LRP1B: variants seen among roughly 807,000 people sequenced by gnomAD.
LRP1B encodes LDL receptor related protein 1B, also known as low-density lipoprotein receptor-related protein 1B.
A neutral mutation model predicts 556.6 loss-of-function variants in LRP1B; 217 were observed. The ratio of observed to expected loss-of-function variants is 0.39; its 90% CI spans 0.35 to 0.44. The LOEUF (loss-of-function observed/expected upper bound fraction) is 0.44. Ranked by LOEUF, LRP1B falls within the 20% of genes least tolerant of loss-of-function variation. LRP1B has a pLI of 1.00. For missense variants in LRP1B, 5,053 were observed against 5,620.8 expected (o/e 0.90, Z 3.23); for synonymous variants, 2,047 against 1,865.8 (o/e 1.10, Z -2.50).
intron 7 of LRP1B, among the ~76,000 whole-genome samples, chr2:141,085,724 C>T (rs1454223116): frequency 1.3e-5 from 2 of 152,174 alleles, no homozygotes; most frequent in African/African-American, 2.4e-5. Context: ...ATTATGACAA[C>T]CAATAATCTT....
intron 2 of LRP1B, among the ~76,000 whole-genome samples, chr2:141,693,213 T>G (rs1168589003): frequency 3.9e-5 from 6 of 152,046 alleles, no homozygotes; most frequent in Admixed American, 3.9e-4. Flanking sequence ...CAATTAGCAT[T>G]TTTTTCTTGC....
At chr2:140,575,644 C>T (rs753749806) in intron 43 of LRP1B, among the ~76,000 whole-genome samples, 7 of 152,092 alleles carry the variant, frequency 4.6e-5, no homozygotes, top group Non-Finnish European at 8.8e-5. Flanking sequence ...AAGAATCAGG[C>T]TGGGCGCTGT....
intron 41 of LRP1B, among the ~76,000 whole-genome samples, chr2:140,633,256 C>A (rs1046719041): frequency 1.3e-5 from 2 of 149,358 alleles, no homozygotes; most frequent in Non-Finnish European, 3.0e-5. Flanking sequence ...AAGAGTAGCT[C>A]AAAAATATTT....
intron 3 of LRP1B, among the ~76,000 whole-genome samples, chr2:141,291,953 A>G (rs1457698745): frequency 6.6e-6 from 1 of 151,354 alleles, no homozygotes; most frequent in Non-Finnish European, 1.5e-5. Flanking sequence ...CAAATATTTA[A>G]CTGTATATCC....
At chr2:141,318,669 C>A (rs1017552622) in intron 3 of LRP1B, among the ~76,000 whole-genome samples, 4 of 152,040 alleles carry the variant, frequency 2.6e-5, no homozygotes, top group African/African-American at 7.2e-5. Flanking sequence ...ATATGAATGT[C>A]ACTTCAAAGG....
At chr2:141,886,101 A>G (rs1699101636) in intron 1 of LRP1B, among the ~76,000 whole-genome samples, 1 of 152,202 alleles carries the variant, frequency 6.6e-6, no homozygotes, top group African/African-American at 2.4e-5. Context: ...TGAGGACATC[A>G]GGCCAGATAC....
chr2:141,556,037 TGTATTTATC>T (rs781630438), intron 2 of LRP1B, among the ~76,000 whole-genome samples: 3 of 151,882 alleles, frequency 2.0e-5, no homozygotes, highest in Non-Finnish European at 4.4e-5. Context: ...GCCTAATCCA[TGTATTTATC>T]TAAACTAATG....
chr2:140,515,456 C>G (rs189165906), intron 50 of LRP1B, among the ~76,000 whole-genome samples: 27 of 152,032 alleles, frequency 1.8e-4, no homozygotes, highest in Admixed American at 5.9e-4. Context: ...TGCTCTCCTC[C>G]ATTCCCAGCC....
At chr2:140,262,354 T>G (rs1025461949) in intron 86 of LRP1B, among the ~76,000 whole-genome samples, 3 of 152,202 alleles carry the variant, frequency 2.0e-5, no homozygotes, top group Non-Finnish European at 4.4e-5. Context: ...ACTAATTTTA[T>G]CTGTCCCCAC....
intron 18 of LRP1B, among the ~76,000 whole-genome samples, chr2:140,963,904 G>A (rs551432748): frequency 6.6e-6 from 1 of 152,200 alleles, no homozygotes; most frequent in Non-Finnish European, 1.5e-5. Context: ...GCGGCGACGA[G>A]AGAGTGTAGA....
intron 3 of LRP1B, among the ~76,000 whole-genome samples, chr2:141,276,354 G>T (rs1333802343): frequency 1.3e-5 from 2 of 151,738 alleles, no homozygotes; most frequent in Non-Finnish European, 2.9e-5. Flanking sequence ...TAGGTAAGTT[G>T]TGTGTCACTG....
chr2:141,879,190 T>C (rs983084254), intron 1 of LRP1B, among the ~76,000 whole-genome samples: 6 of 151,838 alleles, frequency 4.0e-5, no homozygotes, highest in Admixed American at 3.9e-4. Context: ...TAAGCAGAGA[T>C]GTAGGTATCA....
chr2:140,828,124 A>C (rs1015846769), intron 31 of LRP1B, among the ~76,000 whole-genome samples: 1 of 152,136 alleles, frequency 6.6e-6, no homozygotes, highest in East Asian at 1.9e-4. Flanking sequence ...CTCTAAAGGG[A>C]ATTCTTCAAT....
chr2:142,107,794 A>ATTTTTTTTTTATT (rs1706806177), intron 1 of LRP1B, among the ~76,000 whole-genome samples: 1 of 110,590 alleles, frequency 9.0e-6, no homozygotes, highest in Non-Finnish European at 1.8e-5. Context: ...CGCCTAGCTA[A>ATTTTTTTTTTATT]TTTTTTTTTT....
intron 43 of LRP1B, among the ~76,000 whole-genome samples, chr2:140,567,555 C>A (rs1331739676): frequency 6.6e-6 from 1 of 152,184 alleles, no homozygotes; most frequent in Non-Finnish European, 1.5e-5. Context: ...AGTCATAGAT[C>A]CTGGTTGTCT....
At chr2:141,290,636 T>C (rs1325489792) in intron 3 of LRP1B, among the ~76,000 whole-genome samples, 1 of 152,104 alleles carries the variant, frequency 6.6e-6, no homozygotes, top group Non-Finnish European at 1.5e-5. Flanking sequence ...ATTTTAAATA[T>C]TTAGACCTTT....
intron 1 of LRP1B, among the ~76,000 whole-genome samples, chr2:141,929,085 T>G (rs1005652385): frequency 6.6e-5 from 10 of 152,092 alleles, no homozygotes; most frequent in African/African-American, 2.4e-4. Context: ...TCTAGAATCA[T>G]CAAAGCTACC....
chr2:140,831,504 C>T (rs1355005773), intron 31 of LRP1B, among the ~76,000 whole-genome samples: 1 of 152,010 alleles, frequency 6.6e-6, no homozygotes, highest in African/African-American at 2.4e-5. Flanking sequence ...CTATCTCTTG[C>T]CAAATATAAA....
intron 2 of LRP1B, among the ~76,000 whole-genome samples, chr2:141,735,229 T>C (rs1190991604): frequency 6.6e-6 from 1 of 151,780 alleles, no homozygotes. Context: ...AAGACAGATC[T>C]GTTGGGATGT....
Sources: gnomAD v4.1 joint callset for allele counts (sites outside exome capture counted in the v4.1 genomes callset) on GRCh38, gnomAD v4.1.1 for gene constraint, MANE v1.5 for transcripts, NCBI Gene and HGNC (gene_info 2026-07-23, HGNC 2026-07-21) for gene names.